ZNF682: variants seen among roughly 807,000 people sequenced by gnomAD.
ZNF682 encodes the protein zinc finger protein 682.
A neutral mutation model predicts 36.5 loss-of-function variants in ZNF682; 29 were observed. That is an observed-to-expected ratio of 0.80 (90% CI 0.59 to 1.08). The LOEUF (loss-of-function observed/expected upper bound fraction) is 1.08. Among genes scored for constraint, ZNF682 ranks in the 50% least tolerant of loss-of-function variants. The pLI, the probability that ZNF682 is intolerant of heterozygous loss-of-function variation, is 0.00. For synonymous variants in ZNF682, 180 were observed against 197.0 expected, an observed-to-expected ratio of 0.91 and a Z score of 0.72; for missense variants, 561 against 579.7, an observed-to-expected ratio of 0.97 and a Z score of 0.33.
chr19:20,006,604 G>T lies in ZNF682; in HGVS notation c.898C>A (p.Leu300Ile). 1 of 1,614,160 alleles carries T rather than the reference G, an allele frequency of 6.2e-7. No homozygotes were observed. The highest frequency in any genetic ancestry group is 1.1e-5 in the South Asian group (1 of 91,082). The part of the protein sequence containing the change: ...CGRAFNRHSH[L>I]TKHKTIHTGK... ...GTGTGAATTGTCTTATGTTTGGTGA[G>T]ATGTGAGTGCCGGTTAAACGCTCTG... The change falls in exon 4 of 4, where the codon CTC becomes ATC. Residue 300 changes from leucine (L) to isoleucine (I), a missense_variant. Transcript: ENST00000397165.
intron 3 of ZNF682, among the ~76,000 whole-genome samples, chr19:20,021,853 A>G (rs527291416): frequency 6.6e-6 from 1 of 152,278 alleles, no homozygotes; most frequent in African/African-American, 2.4e-5. Flanking sequence ...ACTGAGTAGG[A>G]ATTTTTGTAG....
At chr19:20,015,107 T>C in intron 3 of ZNF682, 3 of 700,500 alleles carry the variant, frequency 4.3e-6, no homozygotes, top group Non-Finnish European at 3.5e-6. Context: ...TTTTATGTTA[T>C]GTATTTTGCA....
rs149962620 is a variant in ZNF682 at position 20,028,502 on chromosome 19, G to A, written c.4-4126C>T. 6.6e-5 allele frequency among the ~76,000 whole-genome samples: 10 copies of A among 152,174 alleles called. No homozygotes were observed. The East Asian group carries it at 1.4e-3, about 21-fold the overall frequency. On this transcript the variant is annotated intron_variant, in intron 1 of 3. Coordinates refer to ENST00000397165, the MANE Select transcript of ZNF682 (RefSeq NM_033196.3). ...GCTGGGATTACAGGTGTGAGTCACC[G>A]TGCCCAGTCAATTCTGCAGGCTTGA...
Position 20,006,964 on chromosome 19 carries a change from T to C in ZNF682, c.538A>G (p.Lys180Glu). ...AGGCCTGAGTGAGATTTAAAGACTT[T>C]GCCACATTGCATACATTTGAAAAGT... ...EKLFKCMQCG[K>E]VFKSHSGLSY... The change falls in exon 4 of 4, where the codon AAA (lysine) becomes GAA (glutamate). Residue 180 changes from lysine (K) to glutamate (E), a missense_variant. Coordinates refer to ENST00000397165, the MANE Select transcript of ZNF682 (RefSeq NM_033196.3). 6.2e-7 allele frequency: 1 copy of C among 1,613,116 alleles called. No individual in the cohort carries two copies. The highest frequency in any genetic ancestry group is 8.5e-7 in the Non-Finnish European group (1 of 1,179,324).
At chr19:20,001,169 T>C (rs2088166077), downstream of ZNF682, among the ~76,000 whole-genome samples, 1 of 152,214 alleles carries the variant, frequency 6.6e-6, no homozygotes, top group Non-Finnish European at 1.5e-5. Context: ...TTTCATCTTG[T>C]TTTCACTTTA....
downstream of ZNF682, among the ~76,000 whole-genome samples, chr19:20,003,942 TA>T (rs1206420859): frequency 1.3e-5 from 2 of 152,210 alleles, no homozygotes; most frequent in African/African-American, 4.8e-5. Flanking sequence ...CTTCTCAAAA[TA>T]GGTACACATC....
chr19:19,997,026 G>A (rs1042472869), downstream of ZNF682: 8 of 385,192 alleles, frequency 2.1e-5, 1 homozygote, highest in East Asian at 7.3e-5. Context: ...TCATGGAAGC[G>A]AGGATAGAGA....
chr19:20,023,046 G>A lies in ZNF682; in HGVS notation c.184C>T (p.Pro62Ser), dbSNP rs1216580620. ...LISRLEQRQEPWNVKRHETIA... is the reference protein window; with the variant it reads ...LISRLEQRQESWNVKRHETIA... ...GTCTCATGTCTCTTCACATTCCAGG[G>A]CTCCTGTCTTTGCTCCAGACGGCTA... The change falls in exon 3 of 4, where the codon CCC becomes TCC. Residue 62 changes from proline (P) to serine (S), a missense_variant. Pro to Ser is a moderately conservative substitution (Grantham distance 74). Coordinates refer to ENST00000397165, the MANE Select transcript of ZNF682 (RefSeq NM_033196.3). The A allele has an allele frequency of 1.9e-6, 3 of 1,613,836 alleles. No individual in the cohort carries two copies. The African/African-American group carries it at 4.0e-5, about 22-fold the overall frequency.
Position 20,015,490 on chromosome 19 carries a change from T to C in ZNF682, c.226+7514A>G, listed in dbSNP as rs566131187. 7 of 901,704 alleles carry C rather than the reference T, an allele frequency of 7.8e-6. No homozygotes were observed. In the African/African-American group the frequency reaches 1.3e-4, roughly 16 times the overall value. The allele number at this position is 901,704 out of a possible 1,614,324, so 55.9% of individuals were successfully genotyped here. ...TATGAATAAAAACTAAAAAATATAA[T>C]GAATGTCAAATGGCCTATTATAAAA... On this transcript the variant is annotated intron_variant, in intron 3 of 3. Coordinates refer to ENST00000397165, the MANE Select transcript of ZNF682 (RefSeq NM_033196.3).
intron 3 of ZNF682, chr19:20,008,229 T>C (rs2088247103): frequency 6.6e-6 from 1 of 152,294 alleles, no homozygotes; most frequent in African/African-American, 2.4e-5. Flanking sequence ...TGAGTTCCCC[T>C]TCATTCACAT....
intron 3 of ZNF682, chr19:20,008,141 G>A (rs1455140056): frequency 6.6e-6 from 1 of 152,248 alleles, no homozygotes; most frequent in Non-Finnish European, 1.5e-5. Context: ...TGATATATGT[G>A]GTCTGAGCTT....
chr19:19,998,670 C>G (rs1254281387), intron 3 of ZNF682, among the ~76,000 whole-genome samples: 2 of 152,102 alleles, frequency 1.3e-5, no homozygotes, highest in Admixed American at 6.6e-5. Flanking sequence ...TTTAAACTCA[C>G]TCATGTGGAA....
chr19:20,006,678 T>A lies in ZNF682; in HGVS notation c.824A>T (p.His275Leu), dbSNP rs539725904. 1.2e-6 allele frequency: 2 copies of A among 1,613,968 alleles called. No individual in the cohort carries two copies. The highest frequency in any genetic ancestry group is 8.5e-7 in the Non-Finnish European group (1 of 1,180,010). Residue 275 changes from histidine (H) to leucine (L), a missense_variant, in exon 4 of 4, where the codon CAT becomes CTT. His to Leu is a moderately conservative substitution (Grantham distance 99). Coordinates refer to ENST00000397165, the MANE Select transcript of ZNF682 (RefSeq NM_033196.3). ...AFHWCSPFVR[H>L]KKIHTGEKPY... is the part of the protein sequence containing the mutation. Reference sequence around the variant, plus strand: ...TTTTTCTCCTGTATGAATTTTCTTATGTCTAACAAAGGGTGAACACCAGTG... The same window carrying A: ...TTTTTCTCCTGTATGAATTTTCTTAAGTCTAACAAAGGGTGAACACCAGTG...
chr19:20,020,187 G>A (rs571991965), intron 3 of ZNF682, among the ~76,000 whole-genome samples: 26 of 152,034 alleles, frequency 1.7e-4, no homozygotes, highest in Non-Finnish European at 3.1e-4. Context: ...ATGAAAACCA[G>A]TATGGACGTT....
Position 20,023,013 on chromosome 19 carries a change from T to TGGCTATGGTCTCATGTCTC in ZNF682, c.198_216dup (p.Lys73GlufsTer3), listed in dbSNP as rs2088400026. 2 of 1,613,136 alleles carry TGGCTATGGTCTCATGTCTC rather than the reference T, an allele frequency of 1.2e-6. No homozygotes were observed. Among genetic ancestry groups the TGGCTATGGTCTCATGTCTC allele is most frequent in the Admixed American group, 1.7e-5 (1 of 59,982 alleles). ...CATTCATCCAACCTACCTGGGGGTT[T>TGGCTATGGTCTCATGTCTC]GGCTATGGTCTCATGTCTCTTCACA... On this transcript the variant is annotated stop_gained and frameshift_variant, in exon 3 of 4. Transcript: ENST00000397165. LOFTEE classifies it low-confidence loss of function (END_TRUNC).
chr19:19,998,344 C>T (rs544826156), intron 3 of ZNF682, among the ~76,000 whole-genome samples: 3 of 152,176 alleles, frequency 2.0e-5, no homozygotes, highest in Admixed American at 2.0e-4. Context: ...AAGAAGCCAC[C>T]CTTAGTAAAG....
chr19:20,025,375 G>C (rs1426866405), intron 1 of ZNF682, among the ~76,000 whole-genome samples: 1 of 152,170 alleles, frequency 6.6e-6, no homozygotes, highest in African/African-American at 2.4e-5. Flanking sequence ...TTAACCAAGT[G>C]ATTGAAATTA....
chr19:20,020,103 TAAC>T (rs1450379724), intron 3 of ZNF682, among the ~76,000 whole-genome samples: 19 of 150,208 alleles, frequency 1.3e-4, no homozygotes, highest in African/African-American at 1.2e-4. Context: ...TAAAAAGAGA[TAAC>T]AAGTGTTGAC....
In ZNF682 at chr19:20,005,063, C is replaced by G. The variant is rs2088199442; in HGVS notation, c.*942G>C. The G allele has an allele frequency of 6.6e-6, 1 of 151,922 alleles. No homozygotes were observed. Among genetic ancestry groups the G allele is most frequent in the South Asian group, 2.1e-4 (1 of 4,816 alleles). 9.4% of individuals were successfully genotyped at this position (151,922 alleles called of 1,614,324 possible). A position where few individuals can be genotyped will look rare whatever the true frequency, so the allele number is the denominator to read the frequency against. ...TTATATTTACTGCATCTGTTAAATG[C>G]TTTCATATAAACTAGCGTTCTTTCT... On this transcript the variant is annotated 3_prime_UTR_variant, in exon 4 of 4. Transcript: ENST00000397165.
Sources: gnomAD v4.1 joint callset for allele counts (sites outside exome capture counted in the v4.1 genomes callset) on GRCh38, gnomAD v4.1.1 for gene constraint, MANE v1.5 for transcripts, NCBI Gene and HGNC (gene_info 2026-07-23, HGNC 2026-07-21) for gene names.